ZFAND3: variants seen among roughly 807,000 people sequenced by gnomAD.
ZFAND3 encodes zinc finger AN1-type containing 3, also known as AN1-type zinc finger protein 3.
In ZFAND3, 10 loss-of-function variants were observed where a neutral mutation model predicts 29.6. The observed-to-expected ratio is 0.34, with a 90% confidence interval of 0.21 to 0.57. ZFAND3 has a LOEUF of 0.57. Ranked by LOEUF, ZFAND3 falls within the 20% of genes least tolerant of loss-of-function variation. ZFAND3 has a pLI of 0.86. For synonymous variants in ZFAND3, 128 were observed against 112.6 expected (o/e 1.14, Z -0.87); for missense variants, 230 against 304.5 (o/e 0.76, Z 1.82).
intron 1 of ZFAND3, among the ~76,000 whole-genome samples, chr6:37,910,171 C>G (rs1561930779): frequency 6.6e-6 from 1 of 152,114 alleles, no homozygotes; most frequent in Non-Finnish European, 1.5e-5. Flanking sequence ...TGGGCTGCAA[C>G]CCTTATTCTC....
chr6:37,876,024 C>CT (rs1008314818), intron 1 of ZFAND3, among the ~76,000 whole-genome samples: 6 of 151,930 alleles, frequency 3.9e-5, no homozygotes, highest in South Asian at 2.1e-4. Flanking sequence ...CCTAAAATCA[C>CT]TTTTTTTTCT....
At chr6:38,069,016 C>T (rs1312455907) in intron 3 of ZFAND3, among the ~76,000 whole-genome samples, 2 of 152,172 alleles carry the variant, frequency 1.3e-5, no homozygotes, top group African/African-American at 4.8e-5. Flanking sequence ...CTTTGAACAT[C>T]CATTGGGCGT....
intron 3 of ZFAND3, among the ~76,000 whole-genome samples, chr6:38,077,134 A>C (rs1764570120): frequency 6.7e-6 from 1 of 149,810 alleles, no homozygotes; most frequent in South Asian, 2.1e-4. Flanking sequence ...TTTTTTTAAG[A>C]GGAATCCTCA....
chr6:37,967,053 A>G (rs1762305315), intron 2 of ZFAND3, among the ~76,000 whole-genome samples: 1 of 152,188 alleles, frequency 6.6e-6, no homozygotes, highest in South Asian at 2.1e-4. Context: ...ACTGATGACT[A>G]ATGATGACCT....
intron 2 of ZFAND3, among the ~76,000 whole-genome samples, chr6:37,966,593 G>A (rs909811101): frequency 2.6e-4 from 39 of 151,498 alleles, no homozygotes; most frequent in African/African-American, 9.0e-4. Flanking sequence ...GGATTTTCTG[G>A]ATTTACCTTA....
intron 2 of ZFAND3, among the ~76,000 whole-genome samples, chr6:37,934,838 CAAAAAAAAAAAAAAAAA>C (rs61670894): frequency 2.8e-5 from 2 of 70,642 alleles, no homozygotes; most frequent in Admixed American, 2.0e-4. Flanking sequence ...GACTCTGTCT[CAAAAAAAAAAAAAAAAA>C]AAAAAAAAAG....
At chr6:38,030,947 A>C (rs1763547822) in intron 2 of ZFAND3, among the ~76,000 whole-genome samples, 1 of 152,204 alleles carries the variant, frequency 6.6e-6, no homozygotes, top group African/African-American at 2.4e-5. Flanking sequence ...AATGGATGGC[A>C]GTAACATAAT....
intron 2 of ZFAND3, among the ~76,000 whole-genome samples, chr6:38,025,400 T>C (rs1440241470): frequency 6.6e-6 from 1 of 152,226 alleles, no homozygotes; most frequent in African/African-American, 2.4e-5. Flanking sequence ...ATTTAAGTGG[T>C]ATTTAAATGG....
chr6:38,085,231 C>G (rs183709228), intron 4 of ZFAND3, among the ~76,000 whole-genome samples: 1 of 152,164 alleles, frequency 6.6e-6, no homozygotes, highest in Admixed American at 6.6e-5. Flanking sequence ...GAGGTAGTCT[C>G]CCAGACAGAA....
chr6:37,996,293 CATT>C (rs1412829447), intron 2 of ZFAND3, among the ~76,000 whole-genome samples: 1 of 152,160 alleles, frequency 6.6e-6, no homozygotes, highest in Non-Finnish European at 1.5e-5. Flanking sequence ...TTCTCTTCAG[CATT>C]ATTATCTGAT....
intron 2 of ZFAND3, among the ~76,000 whole-genome samples, chr6:38,058,883 A>G (rs1764181479): frequency 6.6e-6 from 1 of 152,230 alleles, no homozygotes; most frequent in East Asian, 1.9e-4. Flanking sequence ...CATTTAGTTC[A>G]GTGCCTGGCA....
At chr6:38,050,358 C>CCT (rs1193886093) in intron 2 of ZFAND3, among the ~76,000 whole-genome samples, 1 of 152,100 alleles carries the variant, frequency 6.6e-6, no homozygotes, top group Non-Finnish European at 1.5e-5. Context: ...AATCCTCCTA[C>CCT]CTCAGCCTTT....
rs116849430 is a variant in ZFAND3, at chr6:37,989,604, C to G, written c.112+59605C>G. Among the ~76,000 whole-genome samples, 1,341 of 152,194 alleles carry G rather than the reference C, an allele frequency of 8.8e-3. 67 individuals are homozygous for G. Among genetic ancestry groups the G allele is most frequent in the Admixed American group, 0.072 (1,093 of 15,284 alleles). On this transcript the variant is annotated intron_variant, in intron 2 of 5. Transcript: ENST00000287218. ...CTTTAACATACGAATTTTGGGGGGA[C>G]ACAAACATTCAGTCCGTAGCAATAG...
At chr6:38,018,520 C>T (rs965984358) in intron 2 of ZFAND3, among the ~76,000 whole-genome samples, 4 of 152,086 alleles carry the variant, frequency 2.6e-5, no homozygotes, top group African/African-American at 9.7e-5. Context: ...CTCCTGATCC[C>T]CATCCACACA....
chr6:37,955,069 G>A (rs567438887), intron 2 of ZFAND3, among the ~76,000 whole-genome samples: 1 of 151,894 alleles, frequency 6.6e-6, no homozygotes, highest in Non-Finnish European at 1.5e-5. Context: ...CCTGTGTTCT[G>A]TCTCTTCCAG....
chr6:37,947,904 TTTTTTCCCTTCC>T (rs1365057525), intron 2 of ZFAND3, among the ~76,000 whole-genome samples: 3 of 152,226 alleles, frequency 2.0e-5, no homozygotes, highest in Non-Finnish European at 4.4e-5. Flanking sequence ...TTTCCTTTCT[TTTTTTCCCTTCC>T]TGGAGGATTT....
At chr6:37,825,118 CT>C (rs1420047586) in intron 1 of ZFAND3, among the ~76,000 whole-genome samples, 1 of 147,962 alleles carries the variant, frequency 6.8e-6, no homozygotes, top group Admixed American at 6.7e-5. Flanking sequence ...AGCTAGTGTG[CT>C]TGGCTCCTCA....
Position 37,983,781 on chromosome 6 carries a change from A to AT in ZFAND3, c.112+53783dup, listed in dbSNP as rs141902956. On this transcript the variant is annotated intron_variant, in intron 2 of 5. Transcript: ENST00000287218. ...CAGTATTCAGTACAGTAACATGCTT[A>AT]TACAGGTTTGTAGTCCAAGAGCTAT... 3.1e-3 allele frequency among the ~76,000 whole-genome samples: 467 copies of AT among 152,262 alleles called. 3 individuals are homozygous for AT. Among genetic ancestry groups the AT allele is most frequent in the African/African-American group, 0.011 (444 of 41,536 alleles).
chr6:37,966,108 T>C (rs540262857), intron 2 of ZFAND3, among the ~76,000 whole-genome samples: 1 of 152,234 alleles, frequency 6.6e-6, no homozygotes, highest in South Asian at 2.1e-4. Flanking sequence ...CAAACCAGAC[T>C]GCATGGTTTG....
Sources: allele counts gnomAD v4.1 joint callset (sites outside exome capture counted in the v4.1 genomes callset), GRCh38; gene constraint gnomAD v4.1.1; transcripts MANE v1.5; gene names NCBI Gene and HGNC (gene_info 2026-07-23, HGNC 2026-07-21).